The following RP1 variants were observed in gnomAD, a reference collection of about 807,000 sequenced individuals.
RP1 encodes oxygen-regulated protein 1.
A neutral mutation model predicts 14.8 loss-of-function variants in RP1; 16 were observed. That is an observed-to-expected ratio of 1.08 (90% CI 0.73 to 1.65). The LOEUF is 1.65. RP1 is among the 40% of genes most tolerant of loss of function. RP1 has a pLI of 0.00. For missense variants in RP1, 2,631 were observed against 2,535.0 expected, an observed-to-expected ratio of 1.04 and a Z score of -0.81; for synonymous variants, 876 against 883.6, an observed-to-expected ratio of 0.99 and a Z score of 0.15.
At chr8:54,819,905 CAAG>C (rs943208780) in intron 24 of RP1, among the ~76,000 whole-genome samples, 28 of 152,244 alleles carry the variant, frequency 1.8e-4, no homozygotes, top group African/African-American at 6.5e-4. Flanking sequence ...TGGGAATGTG[CAAG>C]AAGTACTTGA....
At chr8:54,599,519 C>T (rs1805225522) in intron 1 of RP1, among the ~76,000 whole-genome samples, 1 of 151,390 alleles carries the variant, frequency 6.6e-6, no homozygotes, top group Non-Finnish European at 1.5e-5. Flanking sequence ...AATGCGGTGG[C>T]ACCGTCTCGG....
intron 12 of RP1, among the ~76,000 whole-genome samples, chr8:54,695,513 T>G (rs1807838156): frequency 6.6e-6 from 1 of 152,122 alleles, no homozygotes; most frequent in South Asian, 2.1e-4. Context: ...TATAGTTTTA[T>G]GAATTTAAAT....
rs1242045901 is a variant in RP1 at position 54,658,165 on chromosome 8, TG to T, written c.1171+1951del. On this transcript the variant is annotated intron_variant, in intron 6 of 22. Transcript: ENST00000636932. ...AACTACTTTAGATACATCATATGAG[TG>T]TAAGCATACAGTTTTTGTCCTTTTG... 1.7e-4 allele frequency among the ~76,000 whole-genome samples: 26 copies of T among 152,188 alleles called. 2 individuals carry two copies. Among genetic ancestry groups the T allele is most frequent in the African/African-American group, 5.3e-4 (22 of 41,446 alleles).
rs1229330495 is a variant in RP1, at chr8:54,625,396, G to T, written c.1514G>T (p.Cys505Phe). The T allele has an allele frequency of 1.1e-5, 17 of 1,613,976 alleles. No individual in the cohort carries two copies. The highest frequency in any genetic ancestry group is 1.4e-5 in the Non-Finnish European group (16 of 1,180,034). Residue 505 changes from cysteine to phenylalanine, a missense_variant, in exon 4 of 4, where the codon TGC becomes TTC. Physicochemically the swap from Cys to Phe is radical, Grantham distance 205 (BLOSUM62 -2). Coordinates refer to ENST00000220676, the MANE Select transcript of RP1 (RefSeq NM_006269.2). The part of the protein sequence containing the change: ...KSEYHMFTHS[C>F]SKMSSVSNKP... ...GAGTATCACATGTTTACACATTCTTGCAGTAAAATGTCATCAGTATCTAAC... is the reference window on the plus strand; with the variant it reads ...GAGTATCACATGTTTACACATTCTTTCAGTAAAATGTCATCAGTATCTAAC...
chr8:54,787,948 T>G (rs1029125509), intron 24 of RP1, among the ~76,000 whole-genome samples: 2 of 152,218 alleles, frequency 1.3e-5, no homozygotes, highest in Non-Finnish European at 2.9e-5. Context: ...CTTTGTAAAA[T>G]GAGTGCAACA....
chr8:54,751,709 G>A lies in RP1; in HGVS notation c.2809-3094G>A, dbSNP rs150710210. Among the ~76,000 whole-genome samples the A allele has an allele frequency of 2.4e-3, 362 of 152,254 alleles. 1 individual carries two copies. The highest frequency in any genetic ancestry group is 4.3e-3 in the Non-Finnish European group (291 of 68,012). On this transcript the variant is annotated intron_variant, in intron 19 of 22. Transcript: ENST00000636932. ...CTGCCATTAGCTATCATGTAACGGG[G>A]CTTAAACATTGTGGTCGTCCTGGAA...
At chr8:54,760,501 G>C (rs1420993977) in intron 22 of RP1, among the ~76,000 whole-genome samples, 1 of 152,042 alleles carries the variant, frequency 6.6e-6, no homozygotes, top group East Asian at 1.9e-4. Context: ...GAAAAAATAT[G>C]GGGGAAAATA....
chr8:54,837,765 G>A, intron 25 of RP1: 1 of 626,798 alleles, frequency 1.6e-6, no homozygotes, highest in Non-Finnish European at 2.3e-6. Context: ...TAAAGGACCA[G>A]ACAGTAAATA....
upstream of RP1, among the ~76,000 whole-genome samples, chr8:54,613,762 C>A (rs1285011317): frequency 3.3e-5 from 5 of 152,144 alleles, no homozygotes; most frequent in African/African-American, 1.2e-4. Flanking sequence ...GGAGGCATTC[C>A]AAGTAAGATA....
intron 27 of RP1, among the ~76,000 whole-genome samples, chr8:54,857,873 C>A (rs2063920661): frequency 6.6e-6 from 1 of 152,180 alleles, no homozygotes; most frequent in Non-Finnish European, 1.5e-5. Flanking sequence ...TTCCTACTGG[C>A]TCCCTTAGAG....
chr8:54,595,924 A>G (rs1256989957), intron 1 of RP1, among the ~76,000 whole-genome samples: 1 of 152,208 alleles, frequency 6.6e-6, no homozygotes, highest in Non-Finnish European at 1.5e-5. Flanking sequence ...TGGAGGAATT[A>G]GCTTTTTTCA....
chr8:54,564,283 C>T (rs1243974019), intron 1 of RP1, among the ~76,000 whole-genome samples: 2 of 152,028 alleles, frequency 1.3e-5, no homozygotes, highest in Non-Finnish European at 2.9e-5. Flanking sequence ...GGGTGCCTAC[C>T]GGGTGCAGGT....
At chr8:54,663,666 T>C (rs1248902492) in intron 6 of RP1, 1 of 1,500,812 alleles carries the variant, frequency 6.7e-7, no homozygotes, top group African/African-American at 1.4e-5. Flanking sequence ...GAGTACTGCT[T>C]GGCACTGAAA....
chr8:54,677,334 C>T (rs1807314718), intron 8 of RP1, among the ~76,000 whole-genome samples: 1 of 151,958 alleles, frequency 6.6e-6, no homozygotes, highest in African/African-American at 2.4e-5. Flanking sequence ...AACCACTGAT[C>T]TAGGGAACTG....
intron 1 of RP1, among the ~76,000 whole-genome samples, chr8:54,578,832 G>A (rs2129295660): frequency 6.6e-6 from 1 of 152,254 alleles, no homozygotes; most frequent in Admixed American, 6.5e-5. Context: ...TATTACTGTA[G>A]CTGAGGAAAC....
intron 15 of RP1, among the ~76,000 whole-genome samples, chr8:54,715,285 GA>G (rs1808375581): frequency 6.6e-6 from 1 of 152,204 alleles, no homozygotes; most frequent in Middle Eastern, 3.2e-3. Context: ...AGATGTGTAG[GA>G]AGGCGCACCT....
At chr8:54,631,448 G>A (rs1806244440), downstream of RP1, among the ~76,000 whole-genome samples, 1 of 152,162 alleles carries the variant, frequency 6.6e-6, no homozygotes, top group East Asian at 1.9e-4. Context: ...TGTGCCTACT[G>A]TGTACCAGGG....
intron 19 of RP1, among the ~76,000 whole-genome samples, chr8:54,741,725 A>G (rs1317337518): frequency 5.4e-5 from 7 of 130,794 alleles, no homozygotes; most frequent in South Asian, 5.0e-4. Flanking sequence ...ATATATATAT[A>G]TATATATATA....
chr8:54,630,982 C>G, downstream of RP1: 1 of 327,728 alleles, frequency 3.1e-6, no homozygotes, highest in South Asian at 1.2e-4. Context: ...AGGAGTTAAC[C>G]AGGAAAGCTT....
Sources: allele counts gnomAD v4.1 joint callset (sites outside exome capture counted in the v4.1 genomes callset), GRCh38; gene constraint gnomAD v4.1.1; transcripts MANE v1.5; gene names NCBI Gene and HGNC (gene_info 2026-07-23, HGNC 2026-07-21).